The following FAM124A variants were observed in gnomAD, a reference collection of about 807,000 sequenced individuals.
FAM124A encodes the protein family with sequence similarity 124 member A.
FAM124A carries 23 observed loss-of-function variants against 24.5 expected under a neutral mutation model. The ratio of observed to expected loss-of-function variants is 0.94; its 90% CI spans 0.68 to 1.33. FAM124A has a LOEUF of 1.33. Ranked by LOEUF, FAM124A falls within the 40% of genes most tolerant of loss-of-function variation. The probability of loss-of-function intolerance (pLI) is 0.00; values close to 1 mark genes in which losing one functional copy is unlikely to be tolerated. For missense variants in FAM124A, 623 were observed against 722.8 expected (o/e 0.86, Z 1.58); for synonymous variants, 287 against 314.7 (o/e 0.91, Z 0.93).
intron 3 of FAM124A, among the ~76,000 whole-genome samples, chr13:51,268,255 G>C (rs1954808002): frequency 1.3e-5 from 2 of 152,192 alleles, no homozygotes; most frequent in African/African-American, 4.8e-5. Context: ...GACAAATTCA[G>C]TTCTGACATC....
At chr13:51,228,786 T>G (rs1377605840) in intron 1 of FAM124A, among the ~76,000 whole-genome samples, 1 of 152,228 alleles carries the variant, frequency 6.6e-6, no homozygotes, top group Non-Finnish European at 1.5e-5. Context: ...TTGGAATATA[T>G]TTTAAGAGCT....
In FAM124A at chr13:51,267,444, A is replaced by G. The variant is rs554638251; in HGVS notation, c.835-13006A>G. Among the ~76,000 whole-genome samples the G allele has an allele frequency of 3.1e-4, 47 of 152,344 alleles. No homozygotes were observed. In the South Asian group the frequency reaches 9.5e-3, roughly 31 times the overall value. The stretch of plus-strand genomic sequence containing the variant: ...ATTTTTCTAGACCTCAAAAGAGAAG[A>G]ATAACTTCCTGAAATTGAGAAGCAA... On this transcript the variant is annotated intron_variant, in intron 3 of 3. Coordinates refer to ENST00000322475, the MANE Select transcript of FAM124A (RefSeq NM_001242312.2).
intron 2 of FAM124A, among the ~76,000 whole-genome samples, chr13:51,231,997 A>T (rs922109665): frequency 2.6e-5 from 4 of 152,182 alleles, no homozygotes; most frequent in Non-Finnish European, 4.4e-5. Flanking sequence ...TGTATAACCG[A>T]TGTAGGTTGT....
chr13:51,281,403 TG>T lies in FAM124A; in HGVS notation c.*153del. 1.5e-6 allele frequency: 1 copy of T among 681,016 alleles called. No individual in the cohort carries two copies. The allele number at this position is 681,016 out of a possible 1,614,324, so 42.2% of individuals were successfully genotyped here. On this transcript the variant is annotated 3_prime_UTR_variant, in exon 4 of 4. Coordinates refer to ENST00000322475, the MANE Select transcript of FAM124A (RefSeq NM_001242312.2). ...CATTTGCCTACCACCCACTCTTAGC[TG>T]GGGGGTGGTATATCTCTAGAGACAC...
At chr13:51,245,283 G>T in intron 2 of FAM124A, 1 of 626,364 alleles carries the variant, frequency 1.6e-6, no homozygotes, top group Non-Finnish European at 2.9e-6. Flanking sequence ...AAATCTGGCC[G>T]CCCCCCACTT....
chr13:51,237,398 TC>T (rs758548515), intron 2 of FAM124A, among the ~76,000 whole-genome samples: 10 of 152,058 alleles, frequency 6.6e-5, no homozygotes, highest in Non-Finnish European at 1.3e-4. Flanking sequence ...GCATGCAACT[TC>T]CAGCCAACGA....
At chr13:51,254,352 C>A (rs1422915893) in intron 3 of FAM124A, among the ~76,000 whole-genome samples, 1 of 152,158 alleles carries the variant, frequency 6.6e-6, no homozygotes, top group Non-Finnish European at 1.5e-5. Flanking sequence ...ATTTTGGGGA[C>A]TTCCTCCTCC....
intron 3 of FAM124A, among the ~76,000 whole-genome samples, chr13:51,268,187 T>C (rs982549413): frequency 6.6e-5 from 10 of 152,236 alleles, no homozygotes; most frequent in African/African-American, 1.9e-4. Flanking sequence ...TCTCTTTTCT[T>C]AATAGCATGA....
chr13:51,281,490 A>C lies in FAM124A; in HGVS notation c.*234A>C. Reference sequence around the variant, plus strand: ...TCTCAACAAACTTGTCATAAAATATATTTTTTGAATATTCAGCATTTGAGG... The same window carrying C: ...TCTCAACAAACTTGTCATAAAATATCTTTTTTGAATATTCAGCATTTGAGG... On this transcript the variant is annotated 3_prime_UTR_variant, in exon 4 of 4. Coordinates refer to ENST00000322475, the MANE Select transcript of FAM124A (RefSeq NM_001242312.2). The C allele has an allele frequency of 2.3e-6, 1 of 439,496 alleles. No individual in the cohort carries two copies. The highest frequency in any genetic ancestry group is 2.0e-5 in the African/African-American group (1 of 49,900). The allele number at this position is 439,496 out of a possible 1,614,324, so 27.2% of individuals were successfully genotyped here.
intron 3 of FAM124A, among the ~76,000 whole-genome samples, chr13:51,280,175 A>T (rs1954921512): frequency 6.6e-6 from 1 of 152,180 alleles, no homozygotes; most frequent in Non-Finnish European, 1.5e-5. Context: ...GTTGAGCGCA[A>T]TGGGCATGTG....
intron 2 of FAM124A, among the ~76,000 whole-genome samples, chr13:51,249,187 G>A (rs529709162): frequency 2.6e-5 from 4 of 152,322 alleles, no homozygotes; most frequent in South Asian, 4.1e-4. Flanking sequence ...AAGAGGATGT[G>A]TTCTGCCTTT....
At chr13:51,227,013 C>A (rs1424957409) in intron 1 of FAM124A, among the ~76,000 whole-genome samples, 1 of 152,110 alleles carries the variant, frequency 6.6e-6, no homozygotes, top group South Asian at 2.1e-4. Context: ...GTGTCTAGAA[C>A]CCTTAGTACA....
At chr13:51,275,839 A>T (rs1954881317) in intron 3 of FAM124A, among the ~76,000 whole-genome samples, 1 of 152,234 alleles carries the variant, frequency 6.6e-6, no homozygotes, top group Non-Finnish European at 1.5e-5. Flanking sequence ...AAACATGCTC[A>T]TGCTGTGGCC....
Position 51,246,402 on chromosome 13 carries a change from G to GC in FAM124A, c.101-5066_101-5065insC, listed in dbSNP as rs757018298. On this transcript the variant is annotated intron_variant, in intron 2 of 3. Coordinates refer to ENST00000322475, the MANE Select transcript of FAM124A (RefSeq NM_001242312.2). ...CTCCACAGAGGCATGTTTCTCGTGGGGTGGGGGGGGGTGTAACTCTAACAC... is the reference window on the plus strand; with the variant it reads ...CTCCACAGAGGCATGTTTCTCGTGGGCGTGGGGGGGGGTGTAACTCTAACAC... 1.7e-3 allele frequency among the ~76,000 whole-genome samples: 209 copies of GC among 125,208 alleles called. 7 individuals are homozygous for GC. Among genetic ancestry groups the GC allele is most frequent in the Middle Eastern group, 7.9e-3 (2 of 254 alleles). The allele number at this position is 125,208 out of a possible 152,430, so 82.1% of individuals were successfully genotyped here. A position where few individuals can be genotyped will look rare whatever the true frequency, so the allele number is the denominator to read the frequency against.
chr13:51,230,855 G>A (rs116054811), intron 1 of FAM124A, among the ~76,000 whole-genome samples: 1 of 152,196 alleles, frequency 6.6e-6, no homozygotes, highest in African/African-American at 2.4e-5. Context: ...TTTGTTTCCT[G>A]GTGGTCAGCC....
rs1419248788 is a variant in FAM124A at position 51,253,094 on chromosome 13, G to GT, written c.834+898dup. 2.6e-5 allele frequency: 4 copies of GT among 152,326 alleles called. No homozygotes were observed. In the East Asian group the frequency reaches 7.7e-4, roughly 29 times the overall value. 9.4% of individuals were successfully genotyped at this position (152,326 alleles called of 1,614,324 possible). A position where few individuals can be genotyped will look rare whatever the true frequency, so the allele number is the denominator to read the frequency against. On this transcript the variant is annotated intron_variant, in intron 3 of 3. Coordinates refer to ENST00000322475, the MANE Select transcript of FAM124A (RefSeq NM_001242312.2). ...ATTAGTTCCAGGAGTATAGGGCCTT[G>GT]TTTTTCTGAAAAGCCTCTACCTCTG...
At position 51,272,546 on chromosome 13, in the gene FAM124A, T is replaced by C. The variant is rs1158237394; in HGVS notation, c.835-7904T>C. Among the ~76,000 whole-genome samples the C allele has an allele frequency of 6.9e-6, 1 of 145,276 alleles. No individual in the cohort carries two copies. Among genetic ancestry groups the C allele is most frequent in the Non-Finnish European group, 1.5e-5 (1 of 66,560 alleles). On this transcript the variant is annotated intron_variant, in intron 3 of 3. Coordinates refer to ENST00000322475, the MANE Select transcript of FAM124A (RefSeq NM_001242312.2). This position sits in a 1 kb window ranked among gnomAD's most constrained non-coding sequence, Gnocchi z 4.2. ...CAGGCCAAATCTGGCCTGCCACCTATTTTTGTAAATAAAGCCTTATACACA... is the reference window on the plus strand; with the variant it reads ...CAGGCCAAATCTGGCCTGCCACCTACTTTTGTAAATAAAGCCTTATACACA...
At chr13:51,266,004 C>T (rs780945198) in intron 3 of FAM124A, among the ~76,000 whole-genome samples, 6 of 152,072 alleles carry the variant, frequency 3.9e-5, no homozygotes, top group Non-Finnish European at 8.8e-5. Context: ...TATATGTATA[C>T]GTATATAGAT....
At position 51,281,246 on chromosome 13, in the gene FAM124A, T is replaced by G. The variant is rs1954936428; in HGVS notation, c.1631T>G (p.Phe544Cys). The G allele has an allele frequency of 1.3e-6, 2 of 1,566,480 alleles. No homozygotes were observed. The highest frequency in any genetic ancestry group is 1.7e-6 in the Non-Finnish European group (2 of 1,160,108). The change falls in exon 4 of 4, where the codon TTC (phenylalanine) becomes TGC (cysteine). Residue 544 changes from phenylalanine to cysteine, a missense_variant. Transcript: ENST00000322475. ...AGPGDNDMEEFYI is the reference protein window; with the variant it reads ...AGPGDNDMEECYI ...CCCGGGGATAACGACATGGAGGAATTCTACATCTGAATGCCCTCTGCTCTT... is the reference window on the plus strand; with the variant it reads ...CCCGGGGATAACGACATGGAGGAATGCTACATCTGAATGCCCTCTGCTCTT...
Sources: allele counts gnomAD v4.1 joint callset (sites outside exome capture counted in the v4.1 genomes callset), GRCh38; gene constraint gnomAD v4.1.1; non-coding constraint Gnocchi (gnomAD v3.1); transcripts MANE v1.5; gene names NCBI Gene and HGNC (gene_info 2026-07-23, HGNC 2026-07-21).